The following DACH1 variants were observed in gnomAD, a reference collection of about 807,000 sequenced individuals.
DACH1 encodes dachshund homolog 1.
DACH1 carries 12 observed loss-of-function variants against 54.2 expected under a neutral mutation model. The observed-to-expected ratio is 0.22, with a 90% confidence interval of 0.14 to 0.36. The LOEUF (loss-of-function observed/expected upper bound fraction) is 0.36, where lower values mean the gene tolerates loss of function less well. Ranked by LOEUF, DACH1 falls within the 10% of genes least tolerant of loss-of-function variation. The pLI, the probability that DACH1 is intolerant of heterozygous loss-of-function variation, is 1.00. For synonymous variants in DACH1, 386 were observed against 366.2 expected, an observed-to-expected ratio of 1.05 and a Z score of -0.62; for missense variants, 805 against 929.8, an observed-to-expected ratio of 0.87 and a Z score of 1.75.
intron 1 of DACH1, among the ~76,000 whole-genome samples, chr13:71,836,974 A>G (rs1269398962): frequency 6.6e-6 from 1 of 152,000 alleles, no homozygotes; most frequent in South Asian, 2.1e-4. Context: ...TGCATTGAGT[A>G]GATAAAATGT....
intron 2 of DACH1, chr13:71,675,088 C>G: frequency 3.2e-6 from 5 of 1,551,656 alleles, no homozygotes; most frequent in Middle Eastern, 1.7e-4. Flanking sequence ...GCAGACTGCC[C>G]GCAAATCGAC....
intron 3 of DACH1, among the ~76,000 whole-genome samples, chr13:71,610,398 C>T (rs1289135325): frequency 1.3e-5 from 2 of 152,130 alleles, no homozygotes; most frequent in Non-Finnish European, 2.9e-5. Context: ...TTCTACCCCT[C>T]GTTCAAGCAA....
intron 3 of DACH1, among the ~76,000 whole-genome samples, chr13:71,620,297 A>G (rs1174851950): frequency 1.3e-5 from 2 of 151,972 alleles, no homozygotes; most frequent in African/African-American, 2.4e-5. Context: ...ATGAAGAAAC[A>G]CTAAACTATT....
At chr13:71,639,748 A>ATTTATAG (rs1877755887) in intron 2 of DACH1, among the ~76,000 whole-genome samples, 5 of 152,060 alleles carry the variant, frequency 3.3e-5, no homozygotes, top group African/African-American at 7.2e-5. Context: ...AAGCTTTTGA[A>ATTTATAG]AAGCTCACCT....
chr13:71,771,765 T>C (rs1319421338), intron 1 of DACH1, among the ~76,000 whole-genome samples: 2 of 150,492 alleles, frequency 1.3e-5, no homozygotes, highest in Non-Finnish European at 3.0e-5. Context: ...TATATCCATA[T>C]CATTACACAC....
intron 3 of DACH1, among the ~76,000 whole-genome samples, chr13:71,609,221 GA>G (rs200921824): frequency 6.6e-6 from 1 of 150,964 alleles, no homozygotes; most frequent in Non-Finnish European, 1.5e-5. Context: ...AATATACATA[GA>G]AAAAAAAATC....
chr13:71,448,978 T>G (rs1019994129), intron 10 of DACH1, among the ~76,000 whole-genome samples: 2 of 152,138 alleles, frequency 1.3e-5, no homozygotes, highest in Non-Finnish European at 2.9e-5. Context: ...AAGCAAAGAC[T>G]GTGTGCAGGA....
intron 6 of DACH1, among the ~76,000 whole-genome samples, chr13:71,510,628 T>C (rs1377135800): frequency 6.6e-6 from 1 of 152,054 alleles, no homozygotes; most frequent in Non-Finnish European, 1.5e-5. Context: ...AAATAAGCAA[T>C]ATCATGCCAT....
intron 6 of DACH1, among the ~76,000 whole-genome samples, chr13:71,511,297 A>C (rs1475833601): frequency 6.6e-6 from 1 of 151,990 alleles, no homozygotes; most frequent in Non-Finnish European, 1.5e-5. Context: ...TTGAGAAAAA[A>C]ATTTGTGGGA....
At chr13:71,802,921 T>A (rs1033975514) in intron 1 of DACH1, among the ~76,000 whole-genome samples, 1 of 152,124 alleles carries the variant, frequency 6.6e-6, no homozygotes, top group South Asian at 2.1e-4. Context: ...GTGATTTAAT[T>A]GTGTAGGTTT....
intron 6 of DACH1, among the ~76,000 whole-genome samples, chr13:71,545,130 C>T (rs552741746): frequency 1.3e-5 from 2 of 152,142 alleles, no homozygotes; most frequent in South Asian, 2.1e-4. Flanking sequence ...TTTTCAAGTA[C>T]TACAAACTGA....
intron 6 of DACH1, among the ~76,000 whole-genome samples, chr13:71,529,836 C>T (rs1882294430): frequency 6.6e-6 from 1 of 152,018 alleles, no homozygotes; most frequent in South Asian, 2.1e-4. Context: ...GTAACTGATA[C>T]TGTAGAAAAC....
At position 71,440,452 on chromosome 13, in the gene DACH1, GGTC is replaced by G; in HGVS notation, c.*200_*202del. ...ACTTGTACATTTACAAACATTCTCA[GGTC>G]TCTGGTATGAACCACAGGTGAAAAT... On this transcript the variant is annotated 3_prime_UTR_variant, in exon 11 of 11. Transcript: ENST00000613252. 2.0e-6 allele frequency: 1 copy of G among 496,594 alleles called. No homozygotes were observed. Among genetic ancestry groups the G allele is most frequent in the Non-Finnish European group, 3.5e-6 (1 of 283,566 alleles). The allele number at this position is 496,594 out of a possible 1,614,324, so 30.8% of individuals were successfully genotyped here.
At chr13:71,454,633 C>A (rs1593718340) in intron 10 of DACH1, among the ~76,000 whole-genome samples, 1 of 152,294 alleles carries the variant, frequency 6.6e-6, no homozygotes, top group African/African-American at 2.4e-5. Flanking sequence ...TGGCCTCTGG[C>A]CAATGGCCAG....
intron 1 of DACH1, among the ~76,000 whole-genome samples, chr13:71,836,613 C>G (rs1306351360): frequency 1.3e-5 from 2 of 152,052 alleles, no homozygotes; most frequent in Non-Finnish European, 2.9e-5. Context: ...CCCTCCTCTA[C>G]TAAGCTAGAA....
At chr13:71,777,032 A>G (rs1886092734) in intron 1 of DACH1, among the ~76,000 whole-genome samples, 1 of 152,152 alleles carries the variant, frequency 6.6e-6, no homozygotes, top group Non-Finnish European at 1.5e-5. Flanking sequence ...ATCCCAAATT[A>G]TGCTATCTAT....
In DACH1 at chr13:71,475,868, A is replaced by G. The variant is rs762949044; in HGVS notation, c.1871-19T>C. On this transcript the variant is annotated intron_variant, in intron 8 of 10. Coordinates refer to ENST00000613252, the MANE Select transcript of DACH1 (RefSeq NM_080759.6). ...ACTATGGCTAAAAAAGAGTGTATGCATATTATTATTATTATTTTTAAATTT... is the reference window on the plus strand; with the variant it reads ...ACTATGGCTAAAAAAGAGTGTATGCGTATTATTATTATTATTTTTAAATTT... 1 of 1,487,374 alleles carries G rather than the reference A, an allele frequency of 6.7e-7. No homozygotes were observed. Among genetic ancestry groups the G allele is most frequent in the South Asian group, 1.4e-5 (1 of 69,722 alleles). 92.1% of individuals were successfully genotyped at this position (1,487,374 alleles called of 1,614,324 possible).
intron 1 of DACH1, among the ~76,000 whole-genome samples, chr13:71,804,597 T>C (rs1184686013): frequency 6.6e-6 from 1 of 152,178 alleles, no homozygotes; most frequent in African/African-American, 2.4e-5. Flanking sequence ...AGCTAAATCT[T>C]ATTACTCATT....
chr13:71,734,061 A>C (rs1445137500), intron 1 of DACH1, among the ~76,000 whole-genome samples: 4 of 151,852 alleles, frequency 2.6e-5, no homozygotes, highest in Admixed American at 2.0e-4. Context: ...AAAATAAAAT[A>C]AAATCAAAAT....
Sources: allele counts gnomAD v4.1 joint callset (sites outside exome capture counted in the v4.1 genomes callset), GRCh38; gene constraint gnomAD v4.1.1; transcripts MANE v1.5; gene names NCBI Gene and HGNC (gene_info 2026-07-23, HGNC 2026-07-21).